Variants in PRPF6 observed in about 807,000 individuals in gnomAD.
PRPF6 encodes the protein pre-mRNA-processing factor 6.
PRPF6 carries 42 observed loss-of-function variants against 118.3 expected under a neutral mutation model. The observed-to-expected ratio is 0.35, with a 90% CI of 0.28 to 0.46. The LOEUF is 0.46. PRPF6 is among the 20% of genes least tolerant of loss of function. The pLI is 1.00. For synonymous variants in PRPF6, 481 were observed against 485.1 expected, an observed-to-expected ratio of 0.99 and a Z score of 0.11; for missense variants, 662 against 1,255.7, an observed-to-expected ratio of 0.53 and a Z score of 7.15.
rs576234406 is a variant in PRPF6, at chr20:63,985,489, C to T, written c.359+464C>T. On this transcript the variant is annotated intron_variant, in intron 3 of 20. Transcript: ENST00000266079. ...TGCCTGGATAAGCACTGGGCTGTTA[C>T]AGAACAGCCTTAGGGCCTGGGGGCT... Among the ~76,000 whole-genome samples, 16 of 152,290 alleles carry T rather than the reference C, an allele frequency of 1.1e-4. 1 individual carries two copies. In the Middle Eastern group the frequency reaches 0.01, roughly 97 times the overall value.
rs532541351 is a variant in PRPF6 at position 63,994,454 on chromosome 20, G to A, written c.439-462G>A. Reference sequence around the variant, plus strand: ...TTAACAGGCATGAGCCACCGTGCCCGGCCTAAATTGATTTTTCTAAGTGAA... The same window carrying A: ...TTAACAGGCATGAGCCACCGTGCCCAGCCTAAATTGATTTTTCTAAGTGAA... On this transcript the variant is annotated intron_variant, in intron 4 of 20. Transcript: ENST00000266079. Among the ~76,000 whole-genome samples, 7 of 152,302 alleles carry A rather than the reference G, an allele frequency of 4.6e-5. No homozygotes were observed. In the South Asian group the frequency reaches 1.0e-3, roughly 23 times the overall value.
chr20:64,017,189 C>G (rs185623707), intron 12 of PRPF6, among the ~76,000 whole-genome samples: 2 of 152,230 alleles, frequency 1.3e-5, no homozygotes, highest in Admixed American at 1.3e-4. Flanking sequence ...TGATCCACCC[C>G]GCCTTGGCTT....
chr20:64,031,820 G>A (rs1158945565), intron 19 of PRPF6, 98 bp from the exon 20 acceptor site: 1 of 1,543,978 alleles, frequency 6.5e-7, no homozygotes, highest in Non-Finnish European at 8.9e-7. Flanking sequence ...CAGGGCTGCG[G>A]GTCAGGGATG....
Position 64,010,306 on chromosome 20 carries a change from C to A in PRPF6, c.1293C>A (p.Pro431=), listed in dbSNP as rs201315548. 1.9e-6 allele frequency: 3 copies of A among 1,613,476 alleles called. No individual in the cohort carries two copies. The African/African-American group carries it at 4.0e-5, about 21-fold the overall frequency. ...TGAGCCGAGCTGTGGAGTGCTGCCC[C>A]ACCAGCGTGGAGGTGAGTCTGGCGG... is the stretch of plus-strand genomic sequence containing the variant. ...IMLSRAVECC[P]TSVELWLALA... Residue 431 remains proline (P), a synonymous_variant, in exon 10 of 21, where the codon CCC becomes CCA. Coordinates refer to ENST00000266079, the MANE Select transcript of PRPF6 (RefSeq NM_012469.4).
rs763494914 is a variant in PRPF6, at chr20:64,031,924, T to C, written c.2553T>C (p.Phe851=). Residue 851 remains phenylalanine (F), a synonymous_variant, in exon 20 of 21, where the codon TTT becomes TTC. Transcript: ENST00000266079. ...CGTCCTTCTGCTGGAACAGGCTGTT[T>C]TGGAGTCAGCGGAAGATCACCAAGG... The part of the protein sequence containing the change: ...PHVLLAVAKL[F]WSQRKITKAR... 6.2e-7 allele frequency: 1 copy of C among 1,614,048 alleles called. No individual in the cohort carries two copies. The highest frequency in any genetic ancestry group is 1.1e-5 in the South Asian group (1 of 91,070).
In PRPF6 at chr20:64,001,586, G is replaced by T. The variant is rs1427150947; in HGVS notation, c.1186+347G>T. Reference sequence around the variant, plus strand: ...CCTGTGTCCTGGGGCTCTGGAGATGGTCTGTGTGAAGAGCTGAGCCGGCAC... The same window carrying T: ...CCTGTGTCCTGGGGCTCTGGAGATGTTCTGTGTGAAGAGCTGAGCCGGCAC... On this transcript the variant is annotated intron_variant, in intron 9 of 20. Coordinates refer to ENST00000266079, the MANE Select transcript of PRPF6 (RefSeq NM_012469.4). 1.3e-5 allele frequency among the ~76,000 whole-genome samples: 2 copies of T among 152,214 alleles called. 1 individual carries two copies. The highest frequency in any genetic ancestry group is 4.8e-5 in the African/African-American group (2 of 41,462).
Position 64,027,629 on chromosome 20 carries a change from C to A in PRPF6, c.2232C>A (p.Pro744=). 1 of 1,614,118 alleles carries A rather than the reference C, an allele frequency of 6.2e-7. No individual in the cohort carries two copies. The highest frequency in any genetic ancestry group is 8.5e-7 in the Non-Finnish European group (1 of 1,180,022). Residue 744 remains proline, a synonymous_variant, in exon 17 of 21, where the codon CCC becomes CCA. Transcript: ENST00000266079. This position sits in a 1 kb window ranked among gnomAD's most constrained non-coding sequence, Gnocchi z 6.5. ...TGAAGAAGTGTCCCCACTCCACACC[C>A]CTGTGGCTTTTGCTCTCTCGGCTGG... The part of the protein sequence containing the change: ...QGLKKCPHST[P]LWLLLSRLEE...
chr20:64,000,972 G>C (rs534750335), intron 8 of PRPF6, 105 bp from the exon 9 acceptor site: 1 of 1,333,328 alleles, frequency 7.5e-7, no homozygotes, highest in Non-Finnish European at 1.1e-6. Flanking sequence ...ATTGGCTTTC[G>C]TAAATTCTGG....
At chr20:64,001,350 A>G (rs1601518004) in intron 9 of PRPF6, 111 bp downstream of exon 9, 1 of 1,321,668 alleles carries the variant, frequency 7.6e-7, no homozygotes, top group East Asian at 2.4e-5. Context: ...AACCAGGGAC[A>G]TTTTTCAGGC....
At chr20:64,006,139 A>C (rs1276058783) in intron 9 of PRPF6, among the ~76,000 whole-genome samples, 1 of 151,918 alleles carries the variant, frequency 6.6e-6, no homozygotes, top group African/African-American at 2.4e-5. Context: ...GAAATACTAA[A>C]CTGTTTTTAG....
intron 9 of PRPF6, among the ~76,000 whole-genome samples, chr20:64,006,632 C>G (rs942976200): frequency 6.6e-6 from 1 of 152,166 alleles, no homozygotes; most frequent in Non-Finnish European, 1.5e-5. Context: ...TGGACCAGCT[C>G]TCTTGACAGG....
At chr20:63,988,187 G>A (rs2059102978) in intron 3 of PRPF6, among the ~76,000 whole-genome samples, 1 of 152,086 alleles carries the variant, frequency 6.6e-6, no homozygotes, top group Admixed American at 6.6e-5. Context: ...GGGTGTAGTG[G>A]CACACGTCTG....
chr20:64,026,523 A>C lies in PRPF6; in HGVS notation c.2029-459A>C, dbSNP rs763543577. ...CTGTCTCAGCAACAACAACAACAAC[A>C]AACATGTTCATACGGCCGGGTGTGG... On this transcript the variant is annotated intron_variant, in intron 15 of 20. Coordinates refer to ENST00000266079, the MANE Select transcript of PRPF6 (RefSeq NM_012469.4). This position sits in a 1 kb window ranked among gnomAD's most constrained non-coding sequence, Gnocchi z 4.4. Among the ~76,000 whole-genome samples the C allele has an allele frequency of 3.6e-5, 5 of 139,200 alleles. No homozygotes were observed. The highest frequency in any genetic ancestry group is 5.5e-5 in the African/African-American group (2 of 36,514). 91.3% of individuals were successfully genotyped at this position (139,200 alleles called of 152,430 possible). A position where few individuals can be genotyped will look rare whatever the true frequency, so the allele number is the denominator to read the frequency against.
rs112318731 is a variant in PRPF6 at position 64,028,611 on chromosome 20, C to T, written c.2431+42C>T. On this transcript the variant is annotated intron_variant, in intron 18 of 20. Coordinates refer to ENST00000266079, the MANE Select transcript of PRPF6 (RefSeq NM_012469.4). This position sits in a 1 kb window ranked among gnomAD's most constrained non-coding sequence, Gnocchi z 6.5. ...ACTCCGGTAAGGGGGTGCCCTGACT[C>T]CGGTAAGGGGGTGCCTTGACTCCGG... 1.8e-3 allele frequency: 2,864 copies of T among 1,600,912 alleles called. 56 individuals are homozygous for T. The African/African-American group carries it at 0.034, about 19-fold the overall frequency.
At position 64,027,282 on chromosome 20, in the gene PRPF6, G is replaced by GGAGCT; in HGVS notation, c.2205+126_2205+130dup. On this transcript the variant is annotated intron_variant, in intron 16 of 20. Transcript: ENST00000266079. This position sits in a 1 kb window ranked among gnomAD's most constrained non-coding sequence, Gnocchi z 6.5. Reference sequence around the variant, plus strand: ...TGGAGGGCTGGGGGTTACAGCTGATGGAGCTGCAGACTCAGGACCCAAACC... The same window carrying GGAGCT: ...TGGAGGGCTGGGGGTTACAGCTGATGGAGCTGAGCTGCAGACTCAGGACCCAAACC... The GGAGCT allele has an allele frequency of 7.7e-7, 1 of 1,300,002 alleles. No homozygotes were observed. 80.5% of individuals were successfully genotyped at this position (1,300,002 alleles called of 1,614,324 possible). A position where few individuals can be genotyped will look rare whatever the true frequency, so the allele number is the denominator to read the frequency against.
chr20:63,989,744 G>A (rs1225762815), intron 3 of PRPF6, among the ~76,000 whole-genome samples: 1 of 151,584 alleles, frequency 6.6e-6, no homozygotes, highest in East Asian at 1.9e-4. Flanking sequence ...CAAACTCCTG[G>A]CCTTGTGCTC....
In PRPF6 at chr20:64,022,822, C is replaced by T. The variant is rs2059272490; in HGVS notation, c.1713C>T (p.Pro571=). The T allele has an allele frequency of 1.2e-6, 2 of 1,614,126 alleles. No homozygotes were observed. Among genetic ancestry groups the T allele is most frequent in the African/African-American group, 2.7e-5 (2 of 75,044 alleles). ...AIYAYALQVF[P]SKKSVWLRAA... is the part of the protein sequence containing the mutation. ...ACGCCTACGCCCTGCAGGTGTTCCC[C>T]AGCAAGAAGAGTGTGTGGCTGCGCG... The change falls in exon 13 of 21, where the codon CCC becomes CCT. Residue 571 remains proline (P), a synonymous_variant. Coordinates refer to ENST00000266079, the MANE Select transcript of PRPF6 (RefSeq NM_012469.4).
Position 63,995,087 on chromosome 20 carries a change from C to G in PRPF6, c.610C>G (p.Gln204Glu). Residue 204 changes from glutamine to glutamate, a missense_variant, in exon 5 of 21, where the codon CAA (glutamine) becomes GAA (glutamate). Physicochemically the swap from Gln to Glu is conservative, Grantham distance 29. Coordinates refer to ENST00000266079, the MANE Select transcript of PRPF6 (RefSeq NM_012469.4). ...GENHTSVDPR[Q>E]TQFGGLNTPY... is the part of the protein sequence containing the mutation. ...GAACCATACCTCAGTGGATCCCCGA[C>G]AAACTGTGAGCTTCCAAAAAAGGGC... 6.2e-7 allele frequency: 1 copy of G among 1,614,188 alleles called. No individual in the cohort carries two copies. Among genetic ancestry groups the G allele is most frequent in the Non-Finnish European group, 8.5e-7 (1 of 1,180,034 alleles).
At chr20:63,989,510 CATTT>C (rs368431347) in intron 3 of PRPF6, among the ~76,000 whole-genome samples, 18 of 152,204 alleles carry the variant, frequency 1.2e-4, no homozygotes, top group African/African-American at 4.3e-4. Flanking sequence ...AAAAGCATAA[CATTT>C]ATTCATAAGT....
Sources: gnomAD v4.1 joint callset for allele counts (sites outside exome capture counted in the v4.1 genomes callset) on GRCh38, gnomAD v4.1.1 for gene constraint, Gnocchi (gnomAD v3.1) non-coding constraint, MANE v1.5 for transcripts, NCBI Gene and HGNC (gene_info 2026-07-23, HGNC 2026-07-21) for gene names.